Variants in BOLL observed in about 807,000 individuals in gnomAD.
BOLL encodes the protein protein boule-like.
In BOLL, 23 loss-of-function variants were observed where a neutral mutation model predicts 44.4. That is an observed-to-expected ratio of 0.52 (90% CI 0.37 to 0.73). BOLL has a LOEUF of 0.73. BOLL is among the 30% of genes least tolerant of loss of function. BOLL has a pLI of 0.00. For synonymous variants in BOLL, 97 were observed against 110.8 expected, an observed-to-expected ratio of 0.88 and a Z score of 0.78; for missense variants, 287 against 338.3, an observed-to-expected ratio of 0.85 and a Z score of 1.19.
intron 10 of BOLL, among the ~76,000 whole-genome samples, chr2:197,736,073 A>G (rs1687470599): frequency 6.6e-6 from 1 of 152,092 alleles, no homozygotes; most frequent in Admixed American, 6.6e-5. Context: ...TTACTCAACT[A>G]TGCTACTGTG....
intron 10 of BOLL, among the ~76,000 whole-genome samples, chr2:197,732,509 A>C (rs902764056): frequency 1.3e-5 from 2 of 152,146 alleles, no homozygotes; most frequent in Non-Finnish European, 2.9e-5. Context: ...CACAACAAAA[A>C]AAGAGAATTT....
At chr2:197,783,123 A>G (rs576466679) in intron 1 of BOLL, among the ~76,000 whole-genome samples, 2 of 152,216 alleles carry the variant, frequency 1.3e-5, no homozygotes, top group South Asian at 4.2e-4. Flanking sequence ...TAATATCCTA[A>G]AGACAAACCC....
chr2:197,771,574 T>C (rs1354441547), intron 6 of BOLL, among the ~76,000 whole-genome samples: 1 of 152,088 alleles, frequency 6.6e-6, no homozygotes, highest in African/African-American at 2.4e-5. Flanking sequence ...CATATATTTG[T>C]AGTAAAAATA....
At chr2:197,742,317 T>G (rs1687778927) in intron 10 of BOLL, among the ~76,000 whole-genome samples, 1 of 152,198 alleles carries the variant, frequency 6.6e-6, no homozygotes, top group Non-Finnish European at 1.5e-5. Flanking sequence ...TTACTGGGTA[T>G]ATACCCAAAG....
intron 7 of BOLL, among the ~76,000 whole-genome samples, chr2:197,765,896 T>C (rs769297474): frequency 6.6e-6 from 1 of 151,972 alleles, no homozygotes; most frequent in Non-Finnish European, 1.5e-5. Context: ...TTCTTTACGT[T>C]CATGAGTTCT....
At chr2:197,744,736 C>T (rs1687912046) in intron 9 of BOLL, among the ~76,000 whole-genome samples, 1 of 152,218 alleles carries the variant, frequency 6.6e-6, no homozygotes, top group Admixed American at 6.5e-5. Flanking sequence ...TATACCATCT[C>T]TCTAGTCTTT....
chr2:197,744,796 A>T (rs1428247812), intron 9 of BOLL, among the ~76,000 whole-genome samples: 3 of 152,218 alleles, frequency 2.0e-5, no homozygotes, highest in Non-Finnish European at 2.9e-5. Context: ...TTTACAAATA[A>T]GGAGATTATG....
intron 10 of BOLL, among the ~76,000 whole-genome samples, chr2:197,734,415 G>A (rs1291853047): frequency 6.6e-6 from 1 of 152,138 alleles, no homozygotes; most frequent in African/African-American, 2.4e-5. Flanking sequence ...CGATTCCTCA[G>A]GGATCTAGAA....
At chr2:197,759,424 C>G (rs1688653253) in intron 7 of BOLL, among the ~76,000 whole-genome samples, 1 of 151,980 alleles carries the variant, frequency 6.6e-6, no homozygotes, top group Non-Finnish European at 1.5e-5. Flanking sequence ...CTGCATTGCC[C>G]CGAATTAGGA....
chr2:197,768,022 G>A (rs562576083), intron 6 of BOLL, among the ~76,000 whole-genome samples: 36 of 152,046 alleles, frequency 2.4e-4, no homozygotes, highest in African/African-American at 8.2e-4. Context: ...AAATAATTGT[G>A]TAAATGAGAG....
chr2:197,768,661 T>C (rs1178162877), intron 6 of BOLL, among the ~76,000 whole-genome samples: 2 of 150,874 alleles, frequency 1.3e-5, no homozygotes. Context: ...GGCAATACTA[T>C]AGCATTAAAA....
intron 10 of BOLL, among the ~76,000 whole-genome samples, chr2:197,733,394 A>G (rs1687304329): frequency 6.7e-6 from 1 of 149,690 alleles, no homozygotes; most frequent in African/African-American, 2.5e-5. Flanking sequence ...GCCCAAGGTA[A>G]TTTACAGATT....
rs1690023385 is a variant in BOLL, at chr2:197,785,299, CCG to C, written c.-261_-260del. On this transcript the variant is annotated 5_prime_UTR_variant, in exon 1 of 11. Coordinates refer to ENST00000392296, the MANE Select transcript of BOLL (RefSeq NM_033030.6). The surrounding 1 kb of genome is among the most constrained non-coding windows in gnomAD (Gnocchi z 6.7). The stretch of plus-strand genomic sequence containing the variant: ...GGAAGCCTCAACGGCAGCGACCCCG[CCG>C]CTGGCCTCGTGCGCAGCTGGTCCCC... 6 of 985,714 alleles carry C rather than the reference CCG, an allele frequency of 6.1e-6. No individual in the cohort carries two copies. In the South Asian group the frequency reaches 2.3e-4, roughly 39 times the overall value. 61.1% of individuals were successfully genotyped at this position (985,714 alleles called of 1,614,324 possible). A position where few individuals can be genotyped will look rare whatever the true frequency, so the allele number is the denominator to read the frequency against.
At chr2:197,735,454 A>G (rs189215204) in intron 10 of BOLL, among the ~76,000 whole-genome samples, 18 of 151,926 alleles carry the variant, frequency 1.2e-4, no homozygotes, top group African/African-American at 4.1e-4. Flanking sequence ...GTCTTTTTTG[A>G]TTCTACGTTC....
Position 197,777,052 on chromosome 2 carries a change from A to G in BOLL, c.276+7T>C, listed in dbSNP as rs778337369. ...GAAATGAAGTTAAATACACCAAAAGATCATACCTCTTGTAAAATTTTTTGT... is the reference window on the plus strand; with the variant it reads ...GAAATGAAGTTAAATACACCAAAAGGTCATACCTCTTGTAAAATTTTTTGT... On this transcript the variant is annotated splice_region_variant and intron_variant, in intron 4 of 10. Coordinates refer to ENST00000392296, the MANE Select transcript of BOLL (RefSeq NM_033030.6). 2 of 1,566,842 alleles carry G rather than the reference A, an allele frequency of 1.3e-6. No homozygotes were observed. Among genetic ancestry groups the G allele is most frequent in the East Asian group, 4.5e-5 (2 of 43,980 alleles).
At chr2:197,777,663 A>C (rs913405179) in intron 3 of BOLL, among the ~76,000 whole-genome samples, 2 of 151,902 alleles carry the variant, frequency 1.3e-5, no homozygotes, top group African/African-American at 4.8e-5. Context: ...TCTGTTTTTC[A>C]TACATAATTA....
chr2:197,761,480 C>G (rs540184889), intron 7 of BOLL, among the ~76,000 whole-genome samples: 1 of 152,092 alleles, frequency 6.6e-6, no homozygotes, highest in Admixed American at 6.5e-5. Flanking sequence ...AGAAAAGAAT[C>G]AAGCCTTATA....
chr2:197,775,835 C>A, intron 4 of BOLL, 95 bp from the exon 5 acceptor site: 1 of 692,464 alleles, frequency 1.4e-6, no homozygotes, highest in Non-Finnish European at 2.2e-6. Context: ...TTCAAAAATT[C>A]AGACTATAAT....
intron 4 of BOLL, among the ~76,000 whole-genome samples, chr2:197,776,744 A>G (rs1470009174): frequency 2.6e-5 from 4 of 151,990 alleles, no homozygotes; most frequent in Admixed American, 2.0e-4. Flanking sequence ...ATCATCTCAG[A>G]TAACCTCACT....
Sources: gnomAD v4.1 joint callset for allele counts (sites outside exome capture counted in the v4.1 genomes callset) on GRCh38, gnomAD v4.1.1 for gene constraint, Gnocchi (gnomAD v3.1) non-coding constraint, MANE v1.5 for transcripts, NCBI Gene and HGNC (gene_info 2026-07-23, HGNC 2026-07-21) for gene names.